PAPPA: variants seen among roughly 807,000 people sequenced by gnomAD.
PAPPA encodes the protein pappalysin-1.
In PAPPA, 60 loss-of-function variants were observed where a neutral mutation model predicts 164.0. That is an observed-to-expected ratio of 0.37 (90% CI 0.30 to 0.45). PAPPA has a LOEUF of 0.45. Among genes scored for constraint, PAPPA ranks in the 20% least tolerant of loss-of-function variants. The pLI, the probability that PAPPA is intolerant of heterozygous loss-of-function variation, is 1.00. For synonymous variants in PAPPA, 875 were observed against 814.1 expected (o/e 1.07, Z -1.27); for missense variants, 1,782 against 2,087.3 (o/e 0.85, Z 2.85).
chr9:116,154,979 G>A lies in PAPPA; in HGVS notation c.415+392G>A, dbSNP rs1242662429. On this transcript the variant is annotated intron_variant, in intron 1 of 21. Coordinates refer to ENST00000328252, the MANE Select transcript of PAPPA (RefSeq NM_002581.5). The surrounding 1 kb of genome is among the most constrained non-coding windows in gnomAD (Gnocchi z 5.2). ...GCATGTGAAAGGAGACTTGGGGACC[G>A]TTGATTTCTTTGACGTTTTAATGGA... Among the ~76,000 whole-genome samples the A allele has an allele frequency of 6.6e-6, 1 of 152,216 alleles. No homozygotes were observed. The highest frequency in any genetic ancestry group is 1.5e-5 in the Non-Finnish European group (1 of 68,038).
intron 6 of PAPPA, among the ~76,000 whole-genome samples, chr9:116,231,128 A>G (rs1844586785): frequency 2.0e-5 from 3 of 152,174 alleles, no homozygotes; most frequent in Admixed American, 6.5e-5. Flanking sequence ...ACAAAAGTAA[A>G]TATAGATCAG....
chr9:116,349,846 G>A (rs1846258709), intron 15 of PAPPA, among the ~76,000 whole-genome samples: 1 of 152,158 alleles, frequency 6.6e-6, no homozygotes, highest in Admixed American at 6.5e-5. Flanking sequence ...CCCTCTACCA[G>A]GAACTTCAGG....
rs993273925 is a variant in PAPPA at position 116,279,561 on chromosome 9, A to T, written c.2953+8145A>T. On this transcript the variant is annotated intron_variant, in intron 9 of 21. Transcript: ENST00000328252. ...CAGGTCTGCTTCCTGACTCTCAGGA[A>T]GGGGTCAGGCTCAGGGAACCGACTT... Among the ~76,000 whole-genome samples, 14 of 152,210 alleles carry T rather than the reference A, an allele frequency of 9.2e-5. No homozygotes were observed. In the South Asian group the frequency reaches 2.7e-3, roughly 29 times the overall value.
intron 19 of PAPPA, among the ~76,000 whole-genome samples, chr9:116,371,252 A>T (rs1000516212): frequency 1.3e-5 from 2 of 152,168 alleles, no homozygotes; most frequent in African/African-American, 4.8e-5. Flanking sequence ...CCCCGTCTCT[A>T]CTAAAAATAC....
intron 21 of PAPPA, among the ~76,000 whole-genome samples, chr9:116,389,129 CTTTTTTT>C (rs374938651): frequency 2.3e-5 from 3 of 128,856 alleles, no homozygotes; most frequent in Non-Finnish European, 3.3e-5. Context: ...CAGAATAATC[CTTTTTTT>C]TTTTTTTTTT....
chr9:116,365,566 T>TTTTC (rs1554755536), intron 18 of PAPPA, among the ~76,000 whole-genome samples: 2,892 of 137,878 alleles, frequency 0.021, 111 homozygotes, highest in African/African-American at 0.071. Flanking sequence ...TTTTTTTTTT[T>TTTTC]CCTCTCTTGG....
At position 116,187,206 on chromosome 9, in the gene PAPPA, C is replaced by T; in HGVS notation, c.468C>T (p.Gly156=). Residue 156 remains glycine, a synonymous_variant, in exon 2 of 22, where the codon GGC becomes GGT. Transcript: ENST00000328252. The surrounding 1 kb of genome is among the most constrained non-coding windows in gnomAD (Gnocchi z 4.2). ...YISRDRGWVV[G]IHTISDQDNK... ...CACGTGACCGAGGATGGGTCGTGGG[C>T]ATTCACACCATCAGTGACCAAGACA... 1.2e-6 allele frequency: 2 copies of T among 1,614,140 alleles called. No homozygotes were observed. The highest frequency in any genetic ancestry group is 1.7e-6 in the Non-Finnish European group (2 of 1,180,014).
intron 1 of PAPPA, among the ~76,000 whole-genome samples, chr9:116,183,370 G>A (rs1351669078): frequency 6.6e-6 from 1 of 152,060 alleles, no homozygotes; most frequent in Non-Finnish European, 1.5e-5. Flanking sequence ...TTCTAGCAAG[G>A]GATCATTTTT....
At chr9:116,309,985 A>T (rs1845695513) in intron 10 of PAPPA, among the ~76,000 whole-genome samples, 1 of 152,190 alleles carries the variant, frequency 6.6e-6, no homozygotes, top group Non-Finnish European at 1.5e-5. Context: ...CAGGGAGATG[A>T]ATCACCCCAC....
intron 4 of PAPPA, among the ~76,000 whole-genome samples, chr9:116,214,228 A>G (rs898542068): frequency 1.3e-5 from 2 of 152,200 alleles, no homozygotes; most frequent in African/African-American, 4.8e-5. Context: ...AATTTAAATC[A>G]GAATAGCCAC....
intron 1 of PAPPA, among the ~76,000 whole-genome samples, chr9:116,157,605 G>T (rs1351901902): frequency 6.6e-6 from 1 of 152,018 alleles, no homozygotes; most frequent in Non-Finnish European, 1.5e-5. Flanking sequence ...AGAGAGGGGA[G>T]GGGTGTGTGC....
intron 10 of PAPPA, chr9:116,316,304 T>A (rs143941778): frequency 6.6e-6 from 1 of 152,362 alleles, no homozygotes; most frequent in East Asian, 1.9e-4. Context: ...AAGCTGAAAT[T>A]CCAACTCACA....
chr9:116,389,939 A>G (rs1488273094), intron 21 of PAPPA, among the ~76,000 whole-genome samples: 1 of 152,102 alleles, frequency 6.6e-6, no homozygotes, highest in East Asian at 1.9e-4. Flanking sequence ...TGAGGATAAG[A>G]ATGTGCTTCT....
chr9:116,176,365 C>A (rs1218938360), intron 1 of PAPPA, among the ~76,000 whole-genome samples: 1 of 152,194 alleles, frequency 6.6e-6, no homozygotes, highest in Non-Finnish European at 1.5e-5. Context: ...TCTGGTGATG[C>A]TTCACAGGCT....
chr9:116,159,390 G>C (rs542808893), intron 1 of PAPPA, among the ~76,000 whole-genome samples: 70 of 152,266 alleles, frequency 4.6e-4, no homozygotes, highest in African/African-American at 1.7e-3. Flanking sequence ...TGTTTGTAAG[G>C]CTTCCCCTCT....
intron 2 of PAPPA, among the ~76,000 whole-genome samples, chr9:116,204,871 T>G (rs1844213541): frequency 6.6e-6 from 1 of 152,064 alleles, no homozygotes; most frequent in Non-Finnish European, 1.5e-5. Context: ...TCCTGTGCTT[T>G]CTCTTCTATC....
At chr9:116,277,668 TATTTTTTATTTTA>T (rs1265941537) in intron 9 of PAPPA, among the ~76,000 whole-genome samples, 1 of 152,188 alleles carries the variant, frequency 6.6e-6, no homozygotes, top group East Asian at 1.9e-4. Context: ...ATTAATATTT[TATTTTTTATTTTA>T]ATTTTTTATT....
chr9:116,343,193 T>G lies in PAPPA; in HGVS notation c.3612-1350T>G, dbSNP rs529070586. On this transcript the variant is annotated intron_variant, in intron 13 of 21. Coordinates refer to ENST00000328252, the MANE Select transcript of PAPPA (RefSeq NM_002581.5). ...TGTAAGGATGGAGTGAGCTCATGTA[T>G]ATAAGCAATCAGCAAATAGTAACTA... Among the ~76,000 whole-genome samples the G allele has an allele frequency of 1.8e-4, 28 of 152,300 alleles. No individual in the cohort carries two copies. The South Asian group carries it at 5.8e-3, about 32-fold the overall frequency.
At position 116,239,841 on chromosome 9, in the gene PAPPA, G is replaced by A. The variant is rs191238754; in HGVS notation, c.2732+4204G>A. Among the ~76,000 whole-genome samples the A allele has an allele frequency of 1.1e-4, 16 of 152,164 alleles. 1 individual carries two copies. The highest frequency in any genetic ancestry group is 2.9e-4 in the African/African-American group (12 of 41,522). ...CAATCTGGCCAAAGCTCTAAATATA[G>A]CAAGGGGAAGACAGGCTTACAAGTC... On this transcript the variant is annotated intron_variant, in intron 7 of 21. Coordinates refer to ENST00000328252, the MANE Select transcript of PAPPA (RefSeq NM_002581.5).
Sources: allele counts gnomAD v4.1 joint callset (sites outside exome capture counted in the v4.1 genomes callset), GRCh38; gene constraint gnomAD v4.1.1; non-coding constraint Gnocchi (gnomAD v3.1); transcripts MANE v1.5; gene names NCBI Gene and HGNC (gene_info 2026-07-23, HGNC 2026-07-21).